Variants in TICAM1 observed in about 807,000 individuals in gnomAD.
The protein encoded by TICAM1 is TIR domain-containing adapter molecule 1.
For missense variants in TICAM1, 895 were observed against 938.2 expected (o/e 0.95, Z 0.60); for synonymous variants, 439 against 415.4 (o/e 1.06, Z -0.69).
rs1271210390 is a variant in TICAM1 at position 4,817,996 on chromosome 19, T to C, written c.382A>G (p.Arg128Gly). Residue 128 changes from arginine to glycine, a missense_variant, in exon 2 of 2, where the codon AGG (arginine) becomes GGG (glycine). By Grantham distance (125) the Arg-to-Gly change is moderately radical (BLOSUM62 -2). Coordinates refer to ENST00000248244, the MANE Select transcript of TICAM1 (RefSeq NM_182919.4). The surrounding 1 kb of genome is among the most constrained non-coding windows in gnomAD (Gnocchi z 4.7). ...AGTTCCCCCAGCCGGTGGTCGTCCC[T>C]GGAGCTGAGGGTGCGGACGGCTTCC... is the stretch of plus-strand genomic sequence containing the variant. ...YQEAVRTLSS[R>G]DDHRLGELQD... 6.2e-7 allele frequency: 1 copy of C among 1,612,666 alleles called. No individual in the cohort carries two copies. The highest frequency in any genetic ancestry group is 1.7e-5 in the Admixed American group (1 of 59,978).
intron 1 of TICAM1, among the ~76,000 whole-genome samples, chr19:4,819,269 G>C (rs2093593251): frequency 1.0e-5 from 1 of 100,400 alleles, no homozygotes; most frequent in South Asian, 3.5e-4. Context: ...GTGAGACCCA[G>C]TCTCAAAAAA....
At chr19:4,822,112 T>A (rs1214595654) in intron 1 of TICAM1, among the ~76,000 whole-genome samples, 1 of 150,182 alleles carries the variant, frequency 6.7e-6, no homozygotes, top group African/African-American at 2.5e-5. Flanking sequence ...ATTTTGTATT[T>A]TTAGTAGAGA....
rs370345154 is a variant in TICAM1, at chr19:4,817,611, G to A, written c.767C>T (p.Pro256Leu). Residue 256 changes from proline (P) to leucine (L), a missense_variant, in exon 2 of 2, where the codon CCG (proline) becomes CTG (leucine). By Grantham distance (98) the Pro-to-Leu change is moderately conservative (BLOSUM62 -3). Transcript: ENST00000248244. The surrounding 1 kb of genome is among the most constrained non-coding windows in gnomAD (Gnocchi z 4.7). ...TGGGCTGGCAATCTCCCCCGATGGC[G>A]GCCAGCTCATCTCCTCAGGCTCCTG... Reference protein sequence around the residue: ...GCQEPEEMSWPPSGEIASPPE... With the variant: ...GCQEPEEMSWLPSGEIASPPE... 1.4e-5 allele frequency: 23 copies of A among 1,598,342 alleles called. No homozygotes were observed. The highest frequency in any genetic ancestry group is 5.6e-5 in the South Asian group (5 of 88,886).
chr19:4,827,757 CAAAA>C (rs568047332), intron 1 of TICAM1, among the ~76,000 whole-genome samples: 2 of 90,760 alleles, frequency 2.2e-5, no homozygotes, highest in Non-Finnish European at 4.6e-5. Context: ...GACTCCATCT[CAAAA>C]AAAAAAAAAA....
chr19:4,826,406 C>T (rs569876545), intron 1 of TICAM1, among the ~76,000 whole-genome samples: 1 of 152,148 alleles, frequency 6.6e-6, no homozygotes, highest in African/African-American at 2.4e-5. Context: ...CTCACTGCAA[C>T]CTCTGCCTCC....
chr19:4,828,092 A>C (rs1054328649), intron 1 of TICAM1, among the ~76,000 whole-genome samples: 1 of 151,946 alleles, frequency 6.6e-6, no homozygotes, highest in Non-Finnish European at 1.5e-5. Context: ...TGAGTTTAAC[A>C]CTTAGAATTC....
chr19:4,822,689 C>T (rs1252580449), intron 1 of TICAM1, among the ~76,000 whole-genome samples: 3 of 152,196 alleles, frequency 2.0e-5, no homozygotes, highest in African/African-American at 7.2e-5. Context: ...CTCTCTGACC[C>T]TTGACAGAAA....
At chr19:4,827,671 T>C (rs2093607891) in intron 1 of TICAM1, among the ~76,000 whole-genome samples, 3 of 146,156 alleles carry the variant, frequency 2.1e-5, no homozygotes, top group East Asian at 2.1e-4. Flanking sequence ...GGCAGGAGAA[T>C]GGTGTGAACC....
chr19:4,819,322 G>A (rs919210636), intron 1 of TICAM1, among the ~76,000 whole-genome samples: 1 of 151,610 alleles, frequency 6.6e-6, no homozygotes, highest in Non-Finnish European at 1.5e-5. Context: ...GGTGTTACCT[G>A]AGAGGTAAAC....
chr19:4,826,108 C>T (rs2093605000), intron 1 of TICAM1, among the ~76,000 whole-genome samples: 1 of 150,504 alleles, frequency 6.6e-6, no homozygotes, highest in African/African-American at 2.4e-5. Context: ...GCTGCAGTGA[C>T]CGGAGATCGC....
Position 4,817,442 on chromosome 19 carries a change from C to G in TICAM1, c.936G>C (p.Gln312His), listed in dbSNP as rs775123011. The change falls in exon 2 of 2, where the codon CAG becomes CAC. Residue 312 changes from glutamine (Q) to histidine (H), a missense_variant. Physicochemically the swap from Gln to His is conservative, Grantham distance 24. Coordinates refer to ENST00000248244, the MANE Select transcript of TICAM1 (RefSeq NM_182919.4). The surrounding 1 kb of genome is among the most constrained non-coding windows in gnomAD (Gnocchi z 4.7). Reference protein sequence around the residue: ...VECTEGSAGPQSLPLPILEPV... With the variant: ...VECTEGSAGPHSLPLPILEPV... ...GCTCCAGAATAGGCAAGGGGAGAGACTGGGGGCCTGCAGACCCCTCGGTGC... is the reference window on the plus strand; with the variant it reads ...GCTCCAGAATAGGCAAGGGGAGAGAGTGGGGGCCTGCAGACCCCTCGGTGC... 2 of 1,614,068 alleles carry G rather than the reference C, an allele frequency of 1.2e-6. No individual in the cohort carries two copies. Among genetic ancestry groups the G allele is most frequent in the Non-Finnish European group, 1.7e-6 (2 of 1,180,006 alleles).
rs1270701421 is a variant in TICAM1, at chr19:4,831,690, G to A, written c.-216C>T. The A allele has an allele frequency of 6.6e-6, 1 of 152,428 alleles. No homozygotes were observed. Among genetic ancestry groups the A allele is most frequent in the African/African-American group, 2.4e-5 (1 of 41,456 alleles). 9.4% of individuals were successfully genotyped at this position (152,428 alleles called of 1,614,324 possible). On this transcript the variant is annotated 5_prime_UTR_variant, in exon 1 of 2. Transcript: ENST00000248244. ...TGGGGCTTCTGCGGAGTTGCCCGCG[G>A]ACCGTAGCGCGCTGAGGGCGCTGGC...
In TICAM1 at chr19:4,816,278, C is replaced by A. The variant is rs748477430; in HGVS notation, c.2100G>T (p.Gly700=). The change falls in exon 2 of 2, where the codon GGG becomes GGT. Residue 700 remains glycine (G), a synonymous_variant. Coordinates refer to ENST00000248244, the MANE Select transcript of TICAM1 (RefSeq NM_182919.4). This position sits in a 1 kb window ranked among gnomAD's most constrained non-coding sequence, Gnocchi z 4.3. ...GCGTCTTGTCCTCGGGCGCCTGGGA[C>A]CCTCTCTGGTTCCACATGTGGTTGT... is the stretch of plus-strand genomic sequence containing the variant. ...GLNNHMWNQR[G]SQAPEDKTQE... is the part of the protein sequence containing the mutation. The A allele has an allele frequency of 6.6e-7, 1 of 1,515,982 alleles. No homozygotes were observed. Among genetic ancestry groups the A allele is most frequent in the East Asian group, 2.3e-5 (1 of 43,904 alleles). The allele number at this position is 1,515,982 out of a possible 1,614,324, so 93.9% of individuals were successfully genotyped here. A position where few individuals can be genotyped will look rare whatever the true frequency, so the allele number is the denominator to read the frequency against.
chr19:4,824,136 G>T (rs576434323), intron 1 of TICAM1, among the ~76,000 whole-genome samples: 1 of 152,016 alleles, frequency 6.6e-6, no homozygotes, highest in African/African-American at 2.4e-5. Context: ...AGCCTCCCCA[G>T]TAGCTGGGAT....
chr19:4,816,775 C>A lies in TICAM1; in HGVS notation c.1603G>T (p.Ala535Ser). The change falls in exon 2 of 2, where the codon GCC becomes TCC. Residue 535 changes from alanine to serine, a missense_variant. Physicochemically the swap from Ala to Ser is moderately conservative, Grantham distance 99 (BLOSUM62 1). Coordinates refer to ENST00000248244, the MANE Select transcript of TICAM1 (RefSeq NM_182919.4). This position sits in a 1 kb window ranked among gnomAD's most constrained non-coding sequence, Gnocchi z 4.3. ...TCCTTCCTCCACATGGCCTTTCGGG[C>A]CTGAAGCCTGTGGGGCTTGAAGGTG... ...ANTFKPHRLQ[A>S]RKAMWRKEQD... The A allele has an allele frequency of 1.2e-6, 2 of 1,613,504 alleles. No homozygotes were observed. The highest frequency in any genetic ancestry group is 2.2e-5 in the South Asian group (2 of 91,090).
rs567288271 is a variant in TICAM1, at chr19:4,816,738, C to T, written c.1640G>A (p.Arg547Gln). ...GTGTTGGCTCTGTTCCCGCAGGGCT[C>T]GGGTGTCCTGTTCCTTCCTCCACAT... ...KAMWRKEQDTRALREQSQHLD... is the reference protein window; with the variant it reads ...KAMWRKEQDTQALREQSQHLD... Residue 547 changes from arginine (R) to glutamine (Q), a missense_variant, in exon 2 of 2, where the codon CGA (arginine) becomes CAA (glutamine). Arg to Gln is a conservative substitution (Grantham distance 43, BLOSUM62 1). Transcript: ENST00000248244. This position sits in a 1 kb window ranked among gnomAD's most constrained non-coding sequence, Gnocchi z 4.3. 3.7e-6 allele frequency: 6 copies of T among 1,613,762 alleles called. No individual in the cohort carries two copies. The highest frequency in any genetic ancestry group is 3.3e-5 in the South Asian group (3 of 91,078).
chr19:4,816,069 C>G lies in TICAM1; in HGVS notation c.*170G>C. 1 of 1,025,138 alleles carries G rather than the reference C, an allele frequency of 9.8e-7. No individual in the cohort carries two copies. The allele number at this position is 1,025,138 out of a possible 1,614,324, so 63.5% of individuals were successfully genotyped here. ...ACCACCCTGAAAGCCAGGGCATCATCGCGCCCGTTTTGTCCTAAATGAAGG... is the reference window on the plus strand; with the variant it reads ...ACCACCCTGAAAGCCAGGGCATCATGGCGCCCGTTTTGTCCTAAATGAAGG... On this transcript the variant is annotated 3_prime_UTR_variant, in exon 2 of 2. Transcript: ENST00000248244. This position sits in a 1 kb window ranked among gnomAD's most constrained non-coding sequence, Gnocchi z 4.3.
chr19:4,822,223 C>T (rs139433819), intron 1 of TICAM1, among the ~76,000 whole-genome samples: 2,079 of 152,008 alleles, frequency 0.014, 33 homozygotes, highest in Non-Finnish European at 0.021. Flanking sequence ...GCGTGAGCCA[C>T]TGTGCCGGCC....
In TICAM1 at chr19:4,817,710, C is replaced by G; in HGVS notation, c.668G>C (p.Ser223Thr). The change falls in exon 2 of 2, where the codon AGC becomes ACC. Residue 223 changes from serine to threonine, a missense_variant. Ser to Thr is a moderately conservative substitution (Grantham distance 58). Transcript: ENST00000248244. The surrounding 1 kb of genome is among the most constrained non-coding windows in gnomAD (Gnocchi z 4.7). ...PTMPFLSLHR[S>T]PHGPSKLCDD... ...ACAGAGCTTGCTGGGCCCATGTGGG[C>G]TGCGGTGCAGGCTGAGGAAGGGCAT... 1 of 1,596,880 alleles carries G rather than the reference C, an allele frequency of 6.3e-7. No individual in the cohort carries two copies. The highest frequency in any genetic ancestry group is 8.5e-7 in the Non-Finnish European group (1 of 1,173,352).
Sources: gnomAD v4.1 joint callset for allele counts (sites outside exome capture counted in the v4.1 genomes callset) on GRCh38, gnomAD v4.1.1 for gene constraint, Gnocchi (gnomAD v3.1) non-coding constraint, MANE v1.5 for transcripts, NCBI Gene and HGNC (gene_info 2026-07-23, HGNC 2026-07-21) for gene names.